The following EZR variants were observed in gnomAD, a reference collection of about 807,000 sequenced individuals.
The protein encoded by EZR is cytovillin 2.
In EZR, 40 loss-of-function variants were observed where a neutral mutation model predicts 74.8. That is an observed-to-expected ratio of 0.53 (90% CI 0.42 to 0.70). EZR has a LOEUF of 0.70. Ranked by LOEUF, EZR falls within the 30% of genes least tolerant of loss-of-function variation. The probability of loss-of-function intolerance (pLI) is 0.00; values close to 1 mark genes in which losing one functional copy is unlikely to be tolerated. For synonymous variants in EZR, 341 were observed against 283.3 expected (o/e 1.20, Z -2.05); for missense variants, 678 against 755.8 (o/e 0.90, Z 1.21).
chr6:158,806,413 G>A (rs1428259155), intron 2 of EZR, among the ~76,000 whole-genome samples: 2 of 151,322 alleles, frequency 1.3e-5, no homozygotes, highest in East Asian at 1.9e-4. Context: ...AGAATAAGTA[G>A]TACCATGATC....
chr6:158,784,926 A>G lies in EZR; in HGVS notation c.468-199T>C, dbSNP rs536069221. On this transcript the variant is annotated intron_variant, in intron 5 of 13. Coordinates refer to ENST00000367075, the MANE Select transcript of EZR (RefSeq NM_001111077.2). ...GGAAGACTTAGCATTTTGAACAAGA[A>G]CTCAGTTCTGCTGGAAAAACTAAGA... is the stretch of plus-strand genomic sequence containing the variant. 1.2e-3 allele frequency among the ~76,000 whole-genome samples: 178 copies of G among 152,292 alleles called. No homozygotes were observed. In the South Asian group the frequency reaches 0.016, roughly 14 times the overall value.
chr6:158,777,195 C>T (rs1050304680), intron 7 of EZR, among the ~76,000 whole-genome samples: 7 of 152,252 alleles, frequency 4.6e-5, no homozygotes, highest in Non-Finnish European at 5.9e-5. Context: ...CGTTCCTAGA[C>T]GTGCCATACT....
At chr6:158,781,004 G>A (rs1396794935) in intron 7 of EZR, among the ~76,000 whole-genome samples, 1 of 152,166 alleles carries the variant, frequency 6.6e-6, no homozygotes, top group Admixed American at 6.5e-5. Flanking sequence ...ACTAAAACAG[G>A]TGTTTTAATA....
In EZR at chr6:158,766,850, A is replaced by G; in HGVS notation, c.*64T>C. 7.2e-7 allele frequency: 1 copy of G among 1,388,612 alleles called. No homozygotes were observed. The highest frequency in any genetic ancestry group is 1.0e-6 in the Non-Finnish European group (1 of 995,596). The allele number at this position is 1,388,612 out of a possible 1,614,324, so 86.0% of individuals were successfully genotyped here. ...CCTAGACTTGGAGCACTAAAGACACAAGCGTGGCGGGGCTGGCAGCGCCCG... is the reference window on the plus strand; with the variant it reads ...CCTAGACTTGGAGCACTAAAGACACGAGCGTGGCGGGGCTGGCAGCGCCCG... On this transcript the variant is annotated 3_prime_UTR_variant, in exon 14 of 14. Transcript: ENST00000367075.
chr6:158,770,377 T>C (rs1791064794), intron 10 of EZR, among the ~76,000 whole-genome samples: 4 of 152,112 alleles, frequency 2.6e-5, no homozygotes. Flanking sequence ...CTGGGAAGTC[T>C]GGCTCTGAAC....
intron 2 of EZR, among the ~76,000 whole-genome samples, chr6:158,811,774 G>T (rs1777454750): frequency 6.6e-6 from 1 of 151,922 alleles, no homozygotes; most frequent in African/African-American, 2.4e-5. Flanking sequence ...GAGGTGGGAA[G>T]ATCACTTGAG....
Position 158,767,528 on chromosome 6 carries a change from T to A in EZR, c.1345-16A>T, listed in dbSNP as rs768165834. 3.2e-6 allele frequency: 5 copies of A among 1,557,090 alleles called. No homozygotes were observed. The highest frequency in any genetic ancestry group is 2.6e-6 in the Non-Finnish European group (3 of 1,152,280). On this transcript the variant is annotated splice_polypyrimidine_tract_variant and intron_variant, in intron 12 of 13. Transcript: ENST00000367075. ...CTTCTTTGGCCTTTGGAAAGCAAAT[T>A]AATAAGAGGACTTCTCACCCAGAAG...
rs747539188 is a variant in EZR at position 158,776,426 on chromosome 6, G to C, written c.777C>G (p.Pro259=). The C allele has an allele frequency of 1.9e-6, 3 of 1,613,668 alleles. No homozygotes were observed. Among genetic ancestry groups the C allele is most frequent in the Non-Finnish European group, 2.5e-6 (3 of 1,179,712 alleles). ...AACTTACAGGTGCCTTCTTGTCGAT[G>C]GGTTTAATGACAAACTTTTTGTCAT... ...SFNDKKFVIK[P]IDKKAPDFVF... The change falls in exon 8 of 14, where the codon CCC becomes CCG. Residue 259 remains proline, a synonymous_variant. Transcript: ENST00000367075.
At chr6:158,788,027 C>T (rs1791629827) in intron 3 of EZR, among the ~76,000 whole-genome samples, 1 of 152,164 alleles carries the variant, frequency 6.6e-6, no homozygotes, top group African/African-American at 2.4e-5. Flanking sequence ...ACAAGTTCGA[C>T]TATTTACATA....
At chr6:158,789,616 A>C in intron 2 of EZR, 1 of 605,000 alleles carries the variant, frequency 1.7e-6, no homozygotes, top group Non-Finnish European at 3.1e-6. Context: ...ACTTAGGTCT[A>C]AGCAGTTTTT....
intron 2 of EZR, among the ~76,000 whole-genome samples, chr6:158,812,712 T>C (rs1777474979): frequency 2.0e-5 from 3 of 152,176 alleles, no homozygotes; most frequent in South Asian, 2.1e-4. Context: ...CTTATTAACA[T>C]GTAACAACAA....
At chr6:158,800,524 G>A (rs989729567) in intron 2 of EZR, among the ~76,000 whole-genome samples, 1 of 152,172 alleles carries the variant, frequency 6.6e-6, no homozygotes, top group South Asian at 2.1e-4. Context: ...CGCTAGGCTG[G>A]GCACGGTGGC....
At chr6:158,779,414 G>T (rs951577280) in intron 7 of EZR, among the ~76,000 whole-genome samples, 1 of 152,116 alleles carries the variant, frequency 6.6e-6, no homozygotes, top group African/African-American at 2.4e-5. Flanking sequence ...TGATTAAAAT[G>T]GGAATGAGGT....
At chr6:158,774,671 AAACAC>A (rs1562491974) in intron 8 of EZR, among the ~76,000 whole-genome samples, 4 of 69,956 alleles carry the variant, frequency 5.7e-5, no homozygotes, top group African/African-American at 1.3e-4. Flanking sequence ...ACTTATCATC[AAACAC>A]ACACACACAC....
chr6:158,811,988 G>A (rs1453429381), intron 2 of EZR, among the ~76,000 whole-genome samples: 1 of 152,062 alleles, frequency 6.6e-6, no homozygotes, highest in Non-Finnish European at 1.5e-5. Flanking sequence ...GGAAGGTCTA[G>A]CCTCTTTTTT....
At chr6:158,806,774 T>A (rs984153803) in intron 2 of EZR, among the ~76,000 whole-genome samples, 4 of 152,180 alleles carry the variant, frequency 2.6e-5, no homozygotes, top group African/African-American at 9.7e-5. Context: ...AAAATCCAGT[T>A]TTCTCACCAT....
chr6:158,818,953 A>G (rs2128579088), intron 1 of EZR, among the ~76,000 whole-genome samples: 1 of 152,118 alleles, frequency 6.6e-6, no homozygotes, highest in African/African-American at 2.4e-5. Context: ...GAAGCCGAGC[A>G]CTCGGCAAGT....
chr6:158,785,346 A>T lies in EZR; in HGVS notation c.430T>A (p.Ser144Thr). Reference protein sequence around the residue: ...FGDYNKEVHKSGYLSSERLIP... With the variant: ...FGDYNKEVHKTGYLSSERLIP... ...AGCCGCTCAGAGCTGAGGTACCCAG[A>T]CTTGTGCACTTCTTTGTTGTAGTCC... The change falls in exon 5 of 14, where the codon TCT (serine) becomes ACT (threonine). Residue 144 changes from serine (S) to threonine (T), a missense_variant. Ser to Thr is a moderately conservative substitution (Grantham distance 58). Transcript: ENST00000367075. 6.2e-7 allele frequency: 1 copy of T among 1,614,204 alleles called. No homozygotes were observed. Among genetic ancestry groups the T allele is most frequent in the Non-Finnish European group, 8.5e-7 (1 of 1,180,040 alleles).
At chr6:158,776,111 G>C (rs1791271792) in intron 8 of EZR, among the ~76,000 whole-genome samples, 4 of 152,226 alleles carry the variant, frequency 2.6e-5, no homozygotes, top group Non-Finnish European at 5.9e-5. Flanking sequence ...CTGCACCCAG[G>C]TGGTCAAGGG....
Sources: gnomAD v4.1 joint callset for allele counts (sites outside exome capture counted in the v4.1 genomes callset) on GRCh38, gnomAD v4.1.1 for gene constraint, MANE v1.5 for transcripts, NCBI Gene and HGNC (gene_info 2026-07-23, HGNC 2026-07-21) for gene names.